Variants in YAF2 observed in about 807,000 individuals in gnomAD.
YAF2 encodes YY1-associated factor 2.
In YAF2, 7 loss-of-function variants were observed where a neutral mutation model predicts 20.1. The ratio of observed to expected loss-of-function variants is 0.35; its 90% CI spans 0.20 to 0.65. The LOEUF is 0.65. YAF2 is among the 30% of genes least tolerant of loss of function. The pLI is 0.69. For missense variants in YAF2, 151 were observed against 219.2 expected (o/e 0.69, Z 1.96); for synonymous variants, 74 against 76.0 (o/e 0.97, Z 0.14).
intron 2 of YAF2, among the ~76,000 whole-genome samples, chr12:42,181,477 C>T (rs2066340525): frequency 6.6e-6 from 1 of 152,192 alleles, no homozygotes; most frequent in African/African-American, 2.4e-5. Flanking sequence ...ATCTGTGGCT[C>T]TTTGAATAAC....
intron 2 of YAF2, among the ~76,000 whole-genome samples, chr12:42,209,180 C>T (rs1474620449): frequency 6.6e-6 from 1 of 151,528 alleles, no homozygotes; most frequent in Non-Finnish European, 1.5e-5. Context: ...AGACTTGCAA[C>T]ATATCCTATA....
intron 2 of YAF2, among the ~76,000 whole-genome samples, chr12:42,169,177 C>A (rs761291975): frequency 6.6e-6 from 1 of 152,186 alleles, no homozygotes; most frequent in Non-Finnish European, 1.5e-5. Context: ...TATGCCAAAA[C>A]CAAAAGACAG....
intron 2 of YAF2, among the ~76,000 whole-genome samples, chr12:42,174,007 A>C (rs1201417428): frequency 6.7e-6 from 1 of 149,528 alleles, no homozygotes; most frequent in Non-Finnish European, 1.5e-5. Flanking sequence ...CCTGCCACTG[A>C]CCTCCTTTGT....
chr12:42,217,463 A>T (rs879844347), intron 2 of YAF2, among the ~76,000 whole-genome samples: 1 of 152,196 alleles, frequency 6.6e-6, no homozygotes, highest in Admixed American at 6.5e-5. Flanking sequence ...TCCTTAAAAA[A>T]CAAGAAGTGG....
chr12:42,183,351 T>A (rs1177224194), intron 2 of YAF2, among the ~76,000 whole-genome samples: 1 of 152,178 alleles, frequency 6.6e-6, no homozygotes, highest in Non-Finnish European at 1.5e-5. Flanking sequence ...ATGATTAAGC[T>A]TAGTGAGGAA....
chr12:42,174,545 C>T (rs2066132737), intron 2 of YAF2, among the ~76,000 whole-genome samples: 1 of 152,168 alleles, frequency 6.6e-6, no homozygotes, highest in Non-Finnish European at 1.5e-5. Context: ...TCTACGCTAA[C>T]CCTCCAGACC....
At chr12:42,223,790 C>A (rs950081842) in intron 2 of YAF2, among the ~76,000 whole-genome samples, 3 of 151,572 alleles carry the variant, frequency 2.0e-5, no homozygotes, top group Non-Finnish European at 4.4e-5. Flanking sequence ...AAACCTAACA[C>A]CGCATGTTCT....
intron 2 of YAF2, chr12:42,212,581 A>C (rs1340795782): frequency 3.2e-5 from 9 of 285,170 alleles, no homozygotes; most frequent in Non-Finnish European, 6.2e-5. Context: ...CAAACAAAAA[A>C]TAAATGGGAT....
intron 2 of YAF2, among the ~76,000 whole-genome samples, chr12:42,184,469 C>G (rs146720997): frequency 0.012 from 1,863 of 152,214 alleles, 16 homozygotes; most frequent in Non-Finnish European, 0.02. Context: ...GCCACCACGC[C>G]TGGCTAATTT....
intron 2 of YAF2, among the ~76,000 whole-genome samples, chr12:42,181,436 C>CCAG (rs1231694545): frequency 5.4e-4 from 83 of 152,300 alleles, no homozygotes; most frequent in African/African-American, 1.9e-3. Context: ...CTTTTACCAG[C>CCAG]CAGAGCTGTT....
rs2066586878 is a variant in YAF2, at chr12:42,190,494, A to AT, written c.153-28730dup. On this transcript the variant is annotated intron_variant, in intron 2 of 3. Coordinates refer to ENST00000534854, the MANE Select transcript of YAF2 (RefSeq NM_005748.6). ...AGGACAAGTTCTGTTTTACTTAACT[A>AT]TTTTTTCTGTTTTCTAATCCATTAT... Among the ~76,000 whole-genome samples, 3 of 152,100 alleles carry AT rather than the reference A, an allele frequency of 2.0e-5. 1 individual carries two copies. The South Asian group carries it at 6.2e-4, about 32-fold the overall frequency.
intron 2 of YAF2, among the ~76,000 whole-genome samples, chr12:42,237,136 C>T (rs1352347472): frequency 6.6e-6 from 1 of 152,152 alleles, no homozygotes; most frequent in African/African-American, 2.4e-5. Context: ...TCCAGAAGTA[C>T]ATGTAGAAAA....
chr12:42,163,334 GA>G (rs1440996768), intron 2 of YAF2, among the ~76,000 whole-genome samples: 1 of 152,156 alleles, frequency 6.6e-6, no homozygotes, highest in African/African-American at 2.4e-5. Context: ...CTTAAGTGAT[GA>G]TAAGTCACTG....
chr12:42,200,446 A>G (rs1424598078), intron 2 of YAF2, among the ~76,000 whole-genome samples: 1 of 152,182 alleles, frequency 6.6e-6, no homozygotes, highest in East Asian at 1.9e-4. Flanking sequence ...CATCAGAACC[A>G]AGCCAATCTC....
At chr12:42,165,178 C>G (rs549867070) in intron 2 of YAF2, among the ~76,000 whole-genome samples, 7 of 149,480 alleles carry the variant, frequency 4.7e-5, no homozygotes, top group Admixed American at 3.3e-4. Flanking sequence ...ATAGGCCCTG[C>G]CCTCATGCGC....
At chr12:42,234,329 A>G (rs937183385) in intron 2 of YAF2, 8 of 985,342 alleles carry the variant, frequency 8.1e-6, no homozygotes, top group Middle Eastern at 5.2e-4. Flanking sequence ...TGTCAGTTTG[A>G]CATTTACTAC....
intron 2 of YAF2, among the ~76,000 whole-genome samples, chr12:42,162,589 T>G (rs905907305): frequency 6.6e-6 from 1 of 152,180 alleles, no homozygotes; most frequent in Non-Finnish European, 1.5e-5. Flanking sequence ...AAGATAAAAA[T>G]ACATTTTAAC....
chr12:42,177,952 A>G (rs2137032095), intron 2 of YAF2, among the ~76,000 whole-genome samples: 1 of 152,160 alleles, frequency 6.6e-6, no homozygotes, highest in South Asian at 2.1e-4. Context: ...TACATTACAT[A>G]TTATTATTAA....
intron 2 of YAF2, among the ~76,000 whole-genome samples, chr12:42,182,079 G>A (rs1223549297): frequency 6.6e-6 from 1 of 151,636 alleles, no homozygotes; most frequent in Non-Finnish European, 1.5e-5. Context: ...ATAAAACAAG[G>A]GCAAAATATG....
Sources: allele counts gnomAD v4.1 joint callset (sites outside exome capture counted in the v4.1 genomes callset), GRCh38; gene constraint gnomAD v4.1.1; transcripts MANE v1.5; gene names NCBI Gene and HGNC (gene_info 2026-07-23, HGNC 2026-07-21).